Variants in RERE observed in about 807,000 individuals in gnomAD.
The protein encoded by RERE is arginine-glutamic acid dipeptide repeats, also known as arginine-glutamic acid dipeptide repeats protein.
A neutral mutation model predicts 146.1 loss-of-function variants in RERE; 40 were observed. That is an observed-to-expected ratio of 0.27 (90% CI 0.21 to 0.36). RERE has a LOEUF of 0.36. Among genes scored for constraint, RERE ranks in the 10% least tolerant of loss-of-function variants. RERE has a pLI of 1.00. For missense variants in RERE, 1,933 were observed against 2,138.7 expected, an observed-to-expected ratio of 0.90 and a Z score of 1.90; for synonymous variants, 1,003 against 866.0, an observed-to-expected ratio of 1.16 and a Z score of -2.78.
At chr1:8,382,467 C>T in intron 12 of RERE, among the ~76,000 whole-genome samples, 1 of 152,264 alleles carries the variant, frequency 6.6e-6, no homozygotes, top group East Asian at 1.9e-4. Flanking sequence ...CATGAGAGAG[C>T]GCGCATGCTG....
At chr1:8,386,662 A>C (rs1273812674) in intron 12 of RERE, among the ~76,000 whole-genome samples, 1 of 151,688 alleles carries the variant, frequency 6.6e-6, no homozygotes, top group Non-Finnish European at 1.5e-5. Context: ...CAAACAGCCA[A>C]TAAACTCATT....
intron 1 of RERE, among the ~76,000 whole-genome samples, chr1:8,726,314 G>A (rs1303847659): frequency 6.6e-6 from 1 of 151,780 alleles, no homozygotes; most frequent in Non-Finnish European, 1.5e-5. Context: ...ACCACGCTCG[G>A]TTAATTTTTA....
chr1:8,442,651 G>T (rs1644265194), intron 11 of RERE, among the ~76,000 whole-genome samples: 2 of 152,160 alleles, frequency 1.3e-5, no homozygotes, highest in Admixed American at 6.5e-5. Flanking sequence ...GAAAATTGGT[G>T]CCAGGAGTAG....
intron 6 of RERE, among the ~76,000 whole-genome samples, chr1:8,547,511 CA>C (rs1405554610): frequency 6.6e-6 from 1 of 151,998 alleles, no homozygotes; most frequent in African/African-American, 2.4e-5. Flanking sequence ...CAACAATTGC[CA>C]TGTACCACGG....
chr1:8,716,530 C>CGTTTT, intron 1 of RERE, among the ~76,000 whole-genome samples: 1 of 151,482 alleles, frequency 6.6e-6, no homozygotes, highest in Non-Finnish European at 1.5e-5. Flanking sequence ...AGATAAGTGA[C>CGTTTT]AAAATAAATG....
rs1557553356 is a variant in RERE, at chr1:8,805,007, G to GTTTTTTTTTTTTTT, written c.-145+12152_-145+12153insAAAAAAAAAAAAAA. Among the ~76,000 whole-genome samples, 56 of 61,344 alleles carry GTTTTTTTTTTTTTT rather than the reference G, an allele frequency of 9.1e-4. 5 individuals carry two copies. The highest frequency in any genetic ancestry group is 7.8e-3 in the East Asian group (9 of 1,158). 40.2% of individuals were successfully genotyped at this position (61,344 alleles called of 152,430 possible). A position where few individuals can be genotyped will look rare whatever the true frequency, so the allele number is the denominator to read the frequency against. On this transcript the variant is annotated intron_variant, in intron 1 of 22. Coordinates refer to ENST00000400908, the MANE Select transcript of RERE (RefSeq NM_001042681.2). ...ATTTTTTTTGTTTTGTTTTGTTTTT[G>GTTTTTTTTTTTTTT]GTTTTTTTTTTTTTTTTTTTTGAGA...
intron 10 of RERE, among the ~76,000 whole-genome samples, chr1:8,489,071 G>A (rs1280377009): frequency 1.3e-5 from 2 of 152,110 alleles, no homozygotes; most frequent in Admixed American, 1.3e-4. Context: ...CAGGCCAGGT[G>A]CGGTGGCTCA....
intron 8 of RERE, among the ~76,000 whole-genome samples, chr1:8,507,298 A>G (rs551603669): frequency 1.3e-5 from 2 of 152,314 alleles, no homozygotes; most frequent in Admixed American, 6.5e-5. Flanking sequence ...AACAACAACA[A>G]AAACCAAAGA....
chr1:8,568,218 C>G (rs1404656074), intron 4 of RERE, among the ~76,000 whole-genome samples: 1 of 152,214 alleles, frequency 6.6e-6, no homozygotes, highest in Non-Finnish European at 1.5e-5. Context: ...CATCAGAACT[C>G]TAGGTCCTCC....
At chr1:8,669,474 AC>A (rs1638665076) in intron 1 of RERE, among the ~76,000 whole-genome samples, 2 of 152,174 alleles carry the variant, frequency 1.3e-5, no homozygotes, top group African/African-American at 4.8e-5. Flanking sequence ...AAACAAACAC[AC>A]AGCAGCAGCA....
At chr1:8,781,575 C>CT (rs908161987) in intron 1 of RERE, among the ~76,000 whole-genome samples, 1 of 151,520 alleles carries the variant, frequency 6.6e-6, no homozygotes, top group Non-Finnish European at 1.5e-5. Context: ...CTGCCACTTC[C>CT]TAGCTGAGTT....
chr1:8,377,963 G>C (rs1642316654), intron 12 of RERE, among the ~76,000 whole-genome samples: 1 of 152,150 alleles, frequency 6.6e-6, no homozygotes, highest in Non-Finnish European at 1.5e-5. Context: ...ATGACTGCCA[G>C]GAAATGGGAA....
intron 1 of RERE, among the ~76,000 whole-genome samples, chr1:8,724,765 A>G (rs970877078): frequency 1.3e-5 from 2 of 150,062 alleles, no homozygotes; most frequent in Non-Finnish European, 3.0e-5. Flanking sequence ...GGAGGTGGAC[A>G]CTGCAGTGAG....
At chr1:8,789,748 C>T (rs957865784) in intron 1 of RERE, among the ~76,000 whole-genome samples, 1 of 152,140 alleles carries the variant, frequency 6.6e-6, no homozygotes, top group Admixed American at 6.6e-5. Context: ...CTGAACGCTG[C>T]GCATACCATA....
rs139855906 is a variant in RERE, at chr1:8,694,640, T to C, written c.-144-38199A>G. On this transcript the variant is annotated intron_variant, in intron 1 of 22. Coordinates refer to ENST00000400908, the MANE Select transcript of RERE (RefSeq NM_001042681.2). ...CGGGCGTGGTGGCACATGCCTGTAG[T>C]TCCAGCTACTCGGGAGACTGAGGCA... Among the ~76,000 whole-genome samples the C allele has an allele frequency of 8.2e-3, 1,252 of 152,172 alleles. 6 individuals carry two copies. The highest frequency in any genetic ancestry group is 0.013 in the Non-Finnish European group (915 of 68,006).
At chr1:8,555,169 G>C (rs1467710778) in intron 6 of RERE, among the ~76,000 whole-genome samples, 1 of 152,244 alleles carries the variant, frequency 6.6e-6, no homozygotes, top group Non-Finnish European at 1.5e-5. Flanking sequence ...CACACCGCCT[G>C]CTTCCTGTGG....
At chr1:8,665,882 A>G (rs929123949) in intron 1 of RERE, among the ~76,000 whole-genome samples, 2 of 152,248 alleles carry the variant, frequency 1.3e-5, no homozygotes, top group Non-Finnish European at 2.9e-5. Context: ...CAGGAAAAAC[A>G]TATGAAAGCC....
At chr1:8,728,179 G>A (rs974551931) in intron 1 of RERE, among the ~76,000 whole-genome samples, 3 of 152,204 alleles carry the variant, frequency 2.0e-5, no homozygotes, top group Non-Finnish European at 4.4e-5. Flanking sequence ...TGCGGTAGCT[G>A]CAAAGCACAA....
At chr1:8,666,872 G>A (rs1455702456) in intron 1 of RERE, among the ~76,000 whole-genome samples, 1 of 152,122 alleles carries the variant, frequency 6.6e-6, no homozygotes, top group Non-Finnish European at 1.5e-5. Context: ...ACCCCTGCAC[G>A]ATTCTCTACC....
Sources: gnomAD v4.1 joint callset for allele counts (sites outside exome capture counted in the v4.1 genomes callset) on GRCh38, gnomAD v4.1.1 for gene constraint, MANE v1.5 for transcripts, NCBI Gene and HGNC (gene_info 2026-07-23, HGNC 2026-07-21) for gene names.